NMBR: variants seen among roughly 807,000 people sequenced by gnomAD.
NMBR encodes neuromedin-B receptor.
In NMBR, 16 loss-of-function variants were observed where a neutral mutation model predicts 20.5. The ratio of observed to expected loss-of-function variants is 0.78; its 90% confidence interval spans 0.53 to 1.19. NMBR has a LOEUF of 1.19. Among genes scored for constraint, NMBR ranks in the 50% most tolerant of loss-of-function variants. The pLI is 0.00. For missense variants in NMBR, 582 were observed against 499.1 expected, an observed-to-expected ratio of 1.17 and a Z score of -1.58; for synonymous variants, 212 against 196.6, an observed-to-expected ratio of 1.08 and a Z score of -0.65.
chr6:142,146,520 C>A (rs1225518181), intron 1 of NMBR, among the ~76,000 whole-genome samples: 2 of 151,978 alleles, frequency 1.3e-5, no homozygotes, highest in African/African-American at 4.8e-5. Flanking sequence ...TTAAGAGTTA[C>A]CAGCGTTGAA....
In NMBR at chr6:142,075,466, A is replaced by T. The variant is rs1352081162; in HGVS notation, c.*182T>A. 5.5e-6 allele frequency: 3 copies of T among 546,468 alleles called. No individual in the cohort carries two copies. Among genetic ancestry groups the T allele is most frequent in the Non-Finnish European group, 9.6e-6 (3 of 312,914 alleles). 33.9% of individuals were successfully genotyped at this position (546,468 alleles called of 1,614,324 possible). On this transcript the variant is annotated 3_prime_UTR_variant, in exon 4 of 4. Coordinates refer to ENST00000258042, the MANE Select transcript of NMBR (RefSeq NM_002511.4). ...GATTTAAAGTCTTTTCTCATATTCT[A>T]ATTATTAGGAAATGAAAAGAGAAAA...
At chr6:142,105,964 T>G (rs1777655043) in intron 1 of NMBR, among the ~76,000 whole-genome samples, 1 of 152,214 alleles carries the variant, frequency 6.6e-6, no homozygotes, top group South Asian at 2.1e-4. Flanking sequence ...TTACAAATGA[T>G]GTAGACATTT....
chr6:142,090,503 A>T (rs1362233278), intron 1 of NMBR, among the ~76,000 whole-genome samples: 1 of 151,360 alleles, frequency 6.6e-6, no homozygotes, highest in Non-Finnish European at 1.5e-5. Flanking sequence ...GAATTTCACT[A>T]CTTAAAATAA....
At chr6:142,097,305 T>C (rs1198184814) in intron 1 of NMBR, among the ~76,000 whole-genome samples, 1 of 152,216 alleles carries the variant, frequency 6.6e-6, no homozygotes, top group Admixed American at 6.5e-5. Context: ...TTGCAGTGGC[T>C]GGTACCAGTT....
chr6:142,109,330 A>G (rs1284106169), intron 1 of NMBR, among the ~76,000 whole-genome samples: 3 of 152,136 alleles, frequency 2.0e-5, no homozygotes, highest in Non-Finnish European at 4.4e-5. Context: ...TGCAAAAGTC[A>G]CTGGGACTCG....
Position 142,088,851 on chromosome 6 carries a change from C to T in NMBR, c.-193G>A, listed in dbSNP as rs542404263. 1.5e-5 allele frequency: 8 copies of T among 521,328 alleles called. No individual in the cohort carries two copies. The highest frequency in any genetic ancestry group is 5.8e-5 in the East Asian group (2 of 34,262). The allele number at this position is 521,328 out of a possible 1,614,324, so 32.3% of individuals were successfully genotyped here. On this transcript the variant is annotated 5_prime_UTR_variant, in exon 2 of 4. Transcript: ENST00000258042. Reference sequence around the variant, plus strand: ...GGAGGGGTCTGTCCACACACTCGGGCGCTCCGCTTCTAGAGGGGGGAAATG... The same window carrying T: ...GGAGGGGTCTGTCCACACACTCGGGTGCTCCGCTTCTAGAGGGGGGAAATG...
intron 1 of NMBR, among the ~76,000 whole-genome samples, chr6:142,104,914 A>G (rs897303819): frequency 1.3e-5 from 2 of 152,180 alleles, no homozygotes; most frequent in East Asian, 1.9e-4. Flanking sequence ...TGGTGGGATT[A>G]TCATTAGTTC....
Position 142,078,658 on chromosome 6 carries a change from A to G in NMBR, c.668T>C (p.Ile223Thr), listed in dbSNP as rs773566882. 8.7e-6 allele frequency: 14 copies of G among 1,613,246 alleles called. No individual in the cohort carries two copies. Among genetic ancestry groups the G allele is most frequent in the African/African-American group, 5.3e-5 (4 of 74,892 alleles). Residue 223 changes from isoleucine (I) to threonine (T), a missense_variant, in exon 3 of 4, where the codon ATA becomes ACA. Ile to Thr is a moderately conservative substitution (Grantham distance 89). Transcript: ENST00000258042. ...ATAAATGCTAATAATAGCAAGTGGT[A>G]TGAGGAAATAGACCAAGAAAATGAG... ...SVLIFLVYFLIPLAIISIYYY... is the reference protein window; with the variant it reads ...SVLIFLVYFLTPLAIISIYYY...
chr6:142,123,597 T>A (rs1234916369), intron 1 of NMBR, among the ~76,000 whole-genome samples: 3 of 151,894 alleles, frequency 2.0e-5, no homozygotes, highest in Non-Finnish European at 2.9e-5. Flanking sequence ...ACTAAGAAAT[T>A]GCCACAGTCA....
intron 1 of NMBR, among the ~76,000 whole-genome samples, chr6:142,135,441 G>A (rs962672477): frequency 1.3e-5 from 2 of 152,052 alleles, no homozygotes; most frequent in Admixed American, 6.6e-5. Context: ...CCATTAACTT[G>A]AAGAAATTGA....
At chr6:142,133,212 A>G (rs1309205577) in intron 1 of NMBR, 7 of 655,200 alleles carry the variant, frequency 1.1e-5, no homozygotes, top group Admixed American at 8.9e-5. Flanking sequence ...GTATTATACA[A>G]ACAAAAAATC....
chr6:142,091,760 CA>C (rs552755574), intron 1 of NMBR, among the ~76,000 whole-genome samples: 215 of 152,006 alleles, frequency 1.4e-3, no homozygotes, highest in Non-Finnish European at 2.5e-3. Context: ...GCAATTATGT[CA>C]AAAAAATGTG....
intron 1 of NMBR, among the ~76,000 whole-genome samples, chr6:142,124,837 T>C (rs954342025): frequency 2.6e-5 from 4 of 151,920 alleles, no homozygotes; most frequent in African/African-American, 9.7e-5. Flanking sequence ...CTTCTAAGTA[T>C]GGTTATAAGA....
intron 2 of NMBR, among the ~76,000 whole-genome samples, chr6:142,079,231 G>A (rs1777043292): frequency 6.6e-6 from 1 of 151,362 alleles, no homozygotes; most frequent in Non-Finnish European, 1.5e-5. Flanking sequence ...AGGGAGAAGA[G>A]AAAAACATTC....
At chr6:142,134,884 A>G in intron 1 of NMBR, 2 of 620,526 alleles carry the variant, frequency 3.2e-6, no homozygotes, top group Non-Finnish European at 5.7e-6. Context: ...GATTTTTGAG[A>G]TCATATTTAG....
intron 1 of NMBR, among the ~76,000 whole-genome samples, chr6:142,139,828 T>C (rs978976964): frequency 5.3e-5 from 8 of 152,188 alleles, no homozygotes; most frequent in African/African-American, 1.9e-4. Context: ...TCAAAATTCA[T>C]ATTCCAATAT....
At chr6:142,110,323 G>C (rs896914685) in intron 1 of NMBR, among the ~76,000 whole-genome samples, 1 of 151,980 alleles carries the variant, frequency 6.6e-6, no homozygotes, top group African/African-American at 2.4e-5. Flanking sequence ...CAACCCAAAA[G>C]TCCAATCAAC....
chr6:142,098,859 T>A (rs949598342), intron 1 of NMBR, among the ~76,000 whole-genome samples: 6 of 152,146 alleles, frequency 3.9e-5, no homozygotes, highest in African/African-American at 1.4e-4. Context: ...AACACAATTT[T>A]GAAGGAGAAC....
Position 142,121,176 on chromosome 6 carries a change from T to C in NMBR, c.-664+25868A>G, listed in dbSNP as rs183578011. 8.2e-4 allele frequency among the ~76,000 whole-genome samples: 125 copies of C among 152,068 alleles called. 2 individuals are homozygous for C. Among genetic ancestry groups the C allele is most frequent in the Non-Finnish European group, 3.2e-4 (22 of 67,912 alleles). On this transcript the variant is annotated intron_variant, in intron 1 of 3. Coordinates refer to ENST00000258042, the MANE Select transcript of NMBR (RefSeq NM_002511.4). ...TGCCTATACAAAATGGTGACTTTCA[T>C]TGACAAATGTTGTGTGTGTTCTTAC... is the stretch of plus-strand genomic sequence containing the variant.
Sources: allele counts gnomAD v4.1 joint callset (sites outside exome capture counted in the v4.1 genomes callset), GRCh38; gene constraint gnomAD v4.1.1; transcripts MANE v1.5; gene names NCBI Gene and HGNC (gene_info 2026-07-23, HGNC 2026-07-21).